The following THAP12 variants were observed in gnomAD, a reference collection of about 807,000 sequenced individuals.
THAP12 encodes THAP domain containing 12.
Under a neutral mutation model 63.0 loss-of-function variants are expected in THAP12, and 20 were observed. The observed-to-expected ratio is 0.32, with a 90% CI of 0.22 to 0.46. The LOEUF (loss-of-function observed/expected upper bound fraction) is 0.46, where lower values mean the gene tolerates loss of function less well. THAP12 is among the 20% of genes least tolerant of loss of function. The pLI is 1.00. For missense variants in THAP12, 568 were observed against 908.2 expected (o/e 0.63, Z 4.81); for synonymous variants, 264 against 328.4 (o/e 0.80, Z 2.12).
chr11:76,375,382 G>A lies in THAP12; in HGVS notation c.89+5366C>T, dbSNP rs900503392. On this transcript the variant is annotated intron_variant, in intron 1 of 4. Coordinates refer to ENST00000260045, the MANE Select transcript of THAP12 (RefSeq NM_004705.4). ...AGGCAAGCCACCCTGGGGCAATCAAGACTTAGGCTTTTTTTTTTTTTTTTT... is the reference window on the plus strand; with the variant it reads ...AGGCAAGCCACCCTGGGGCAATCAAAACTTAGGCTTTTTTTTTTTTTTTTT... 2.7e-5 allele frequency among the ~76,000 whole-genome samples: 4 copies of A among 148,988 alleles called. No homozygotes were observed. The East Asian group carries it at 8.0e-4, about 30-fold the overall frequency.
intron 1 of THAP12, among the ~76,000 whole-genome samples, chr11:76,372,589 T>TAAAAAAA (rs57050881): frequency 8.6e-6 from 1 of 116,728 alleles, no homozygotes. Flanking sequence ...CTGTTACATT[T>TAAAAAAA]AAAAAAAAAA....
intron 1 of THAP12, among the ~76,000 whole-genome samples, chr11:76,368,026 A>G (rs766982106): frequency 1.3e-5 from 2 of 152,250 alleles, no homozygotes; most frequent in Non-Finnish European, 2.9e-5. Flanking sequence ...ATTAAGTATA[A>G]AAACGATCTC....
intron 2 of THAP12, chr11:76,361,340 T>C: frequency 3.2e-6 from 1 of 308,432 alleles, no homozygotes; most frequent in African/African-American, 2.2e-5. Flanking sequence ...TAATTCAGCA[T>C]CCCAGCTACT....
At chr11:76,353,241 T>C (rs1324616793) in intron 4 of THAP12, among the ~76,000 whole-genome samples, 1 of 152,208 alleles carries the variant, frequency 6.6e-6, no homozygotes, top group East Asian at 1.9e-4. Flanking sequence ...TGACAGTCCA[T>C]GCCCTCAGAA....
chr11:76,361,008 G>C lies in THAP12; in HGVS notation c.266C>G (p.Thr89Ser), dbSNP rs550514710. 12 of 1,610,864 alleles carry C rather than the reference G, an allele frequency of 7.4e-6. No homozygotes were observed. The highest frequency in any genetic ancestry group is 1.0e-5 in the Non-Finnish European group (12 of 1,178,970). ...ACTATGTGGGTTGTTCAAATGACTG[G>C]TAAGATCAAATATTGTTGGTATTGC... ...DNAIPTIFDL[T>S]SHLNNPHSRH... The change falls in exon 3 of 5, where the codon ACC (threonine) becomes AGC (serine). Residue 89 changes from threonine to serine, a missense_variant. Coordinates refer to ENST00000260045, the MANE Select transcript of THAP12 (RefSeq NM_004705.4).
chr11:76,351,862 T>A lies in THAP12; in HGVS notation c.1288A>T (p.Arg430Trp), dbSNP rs1394041788. The A allele has an allele frequency of 6.2e-7, 1 of 1,602,714 alleles. No homozygotes were observed. The highest frequency in any genetic ancestry group is 8.5e-7 in the Non-Finnish European group (1 of 1,174,210). ...KEICHSQWTG[R>W]HDAFEILVEL... ...ACTAAAATTTCAAAAGCATCATGCC[T>A]GCCTGTCCACTGAGAATGGCAGATT... The change falls in exon 5 of 5, where the codon AGG (arginine) becomes TGG (tryptophan). Residue 430 changes from arginine (R) to tryptophan (W), a missense_variant. Arg to Trp is a moderately radical substitution (Grantham distance 101, BLOSUM62 -3). Coordinates refer to ENST00000260045, the MANE Select transcript of THAP12 (RefSeq NM_004705.4).
rs1946684149 is a variant in THAP12 at position 76,372,888 on chromosome 11, A to G, written c.90-6916T>C. 2.8e-5 allele frequency among the ~76,000 whole-genome samples: 4 copies of G among 144,440 alleles called. No homozygotes were observed. In the South Asian group the frequency reaches 9.0e-4, roughly 33 times the overall value. 94.8% of individuals were successfully genotyped at this position (144,440 alleles called of 152,430 possible). On this transcript the variant is annotated intron_variant, in intron 1 of 4. Coordinates refer to ENST00000260045, the MANE Select transcript of THAP12 (RefSeq NM_004705.4). ...GGTGACAGAATAAGAACCTGTCTCC[A>G]AAAAAAAAACAGGGTTCCACGGTCA...
At position 76,350,743 on chromosome 11, in the gene THAP12, T is replaced by C. The variant is rs1294760928; in HGVS notation, c.*121A>G. 1.0e-5 allele frequency: 9 copies of C among 866,584 alleles called. No individual in the cohort carries two copies. Among genetic ancestry groups the C allele is most frequent in the Admixed American group, 8.0e-5 (2 of 25,058 alleles). The allele number at this position is 866,584 out of a possible 1,614,324, so 53.7% of individuals were successfully genotyped here. A position where few individuals can be genotyped will look rare whatever the true frequency, so the allele number is the denominator to read the frequency against. On this transcript the variant is annotated 3_prime_UTR_variant, in exon 5 of 5. Transcript: ENST00000260045. Reference sequence around the variant, plus strand: ...GCCATTTAAACAGGTAGATTATCAATGGCTAATGTATTCAATGGAGTCCTA... The same window carrying C: ...GCCATTTAAACAGGTAGATTATCAACGGCTAATGTATTCAATGGAGTCCTA...
At chr11:76,360,331 T>C (rs1946590065) in intron 3 of THAP12, among the ~76,000 whole-genome samples, 2 of 151,944 alleles carry the variant, frequency 1.3e-5, no homozygotes, top group Admixed American at 1.3e-4. Context: ...GGAAAAATAA[T>C]AAAGCAAAAT....
In THAP12 at chr11:76,350,902, G is replaced by C; in HGVS notation, c.2248C>G (p.Leu750Val). ...YIKLYTSKSE[L>V]PTDNSETVEN... ...ACAGTTTCGGAATTATCTGTAGGAA[G>C]CTCTGACTTACTTGTATAGAGTTTA... Residue 750 changes from leucine to valine, a missense_variant, in exon 5 of 5, where the codon CTT becomes GTT. Coordinates refer to ENST00000260045, the MANE Select transcript of THAP12 (RefSeq NM_004705.4). The C allele has an allele frequency of 1.3e-6, 2 of 1,558,588 alleles. No homozygotes were observed. Among genetic ancestry groups the C allele is most frequent in the Middle Eastern group, 2.4e-4 (1 of 4,172 alleles).
chr11:76,370,052 G>A (rs1294201072), intron 1 of THAP12, among the ~76,000 whole-genome samples: 1 of 152,234 alleles, frequency 6.6e-6, no homozygotes, highest in Non-Finnish European at 1.5e-5. Flanking sequence ...TTTGGGGAGG[G>A]TAACAACTGG....
chr11:76,381,019 G>A lies in THAP12; in HGVS notation c.-183C>T, dbSNP rs1946756101. ...AGGAGGGGTGCCGCGGTCCGAGGCCGGGCTGGGGACGCGGCTCCACAGTGC... is the reference window on the plus strand; with the variant it reads ...AGGAGGGGTGCCGCGGTCCGAGGCCAGGCTGGGGACGCGGCTCCACAGTGC... On this transcript the variant is annotated 5_prime_UTR_variant, in exon 1 of 5. Coordinates refer to ENST00000260045, the MANE Select transcript of THAP12 (RefSeq NM_004705.4). The A allele has an allele frequency of 7.9e-6, 2 of 253,990 alleles. No individual in the cohort carries two copies. The highest frequency in any genetic ancestry group is 1.5e-5 in the Non-Finnish European group (2 of 137,376). The allele number at this position is 253,990 out of a possible 1,614,324, so 15.7% of individuals were successfully genotyped here. A position where few individuals can be genotyped will look rare whatever the true frequency, so the allele number is the denominator to read the frequency against.
intron 2 of THAP12, chr11:76,364,426 A>C (rs771600839): frequency 2.3e-6 from 1 of 437,648 alleles, no homozygotes; most frequent in South Asian, 1.6e-5. Flanking sequence ...GCCTCTGCAA[A>C]ATGTATCTGA....
At chr11:76,374,186 T>C (rs531303876) in intron 1 of THAP12, among the ~76,000 whole-genome samples, 17 of 152,324 alleles carry the variant, frequency 1.1e-4, no homozygotes, top group Middle Eastern at 6.8e-3. Flanking sequence ...CCACAAGTGG[T>C]AGTTTCTTCA....
intron 1 of THAP12, among the ~76,000 whole-genome samples, chr11:76,369,167 G>A (rs1430449069): frequency 6.6e-6 from 1 of 152,136 alleles, no homozygotes; most frequent in Non-Finnish European, 1.5e-5. Flanking sequence ...TGCCATCAGG[G>A]AAATGCTAAT....
intron 2 of THAP12, among the ~76,000 whole-genome samples, chr11:76,362,395 G>C (rs1260956989): frequency 6.6e-6 from 1 of 152,206 alleles, no homozygotes; most frequent in African/African-American, 2.4e-5. Flanking sequence ...ACACTATCTT[G>C]GGTTGTACCC....
chr11:76,369,569 G>A (rs992987985), intron 1 of THAP12, among the ~76,000 whole-genome samples: 2 of 152,270 alleles, frequency 1.3e-5, no homozygotes, highest in African/African-American at 4.8e-5. Context: ...TCCATACACA[G>A]AAATAAAATT....
chr11:76,363,851 C>T lies in THAP12; in HGVS notation c.210+2001G>A, dbSNP rs535066233. Among the ~76,000 whole-genome samples, 7 of 152,274 alleles carry T rather than the reference C, an allele frequency of 4.6e-5. No homozygotes were observed. The East Asian group carries it at 1.3e-3, about 29-fold the overall frequency. ...AAACTCCTGACCGCAAATGATCTGCCCGCCTCAGCCTCCCAAAGTGCTGGG... is the reference window on the plus strand; with the variant it reads ...AAACTCCTGACCGCAAATGATCTGCTCGCCTCAGCCTCCCAAAGTGCTGGG... On this transcript the variant is annotated intron_variant, in intron 2 of 4. Transcript: ENST00000260045.
intron 3 of THAP12, chr11:76,356,533 A>G (rs935792333): frequency 4.6e-5 from 7 of 152,212 alleles, no homozygotes; most frequent in Admixed American, 2.6e-4. Flanking sequence ...ATCCTGATAC[A>G]TATTACACTT....
Sources: gnomAD v4.1 joint callset for allele counts (sites outside exome capture counted in the v4.1 genomes callset) on GRCh38, gnomAD v4.1.1 for gene constraint, MANE v1.5 for transcripts, NCBI Gene and HGNC (gene_info 2026-07-23, HGNC 2026-07-21) for gene names.